The following WWOX variants were observed in gnomAD, a reference collection of about 807,000 sequenced individuals.
The protein encoded by WWOX is WW domain-containing oxidoreductase.
In WWOX, 69 loss-of-function variants were observed where a neutral mutation model predicts 46.2. The ratio of observed to expected loss-of-function variants is 1.49; its 90% CI spans 1.23 to 1.82. The LOEUF (loss-of-function observed/expected upper bound fraction) is 1.82. Among genes scored for constraint, WWOX ranks in the 40% most tolerant of loss-of-function variants. The pLI is 0.00. For synonymous variants in WWOX, 359 were observed against 202.6 expected, an observed-to-expected ratio of 1.77 and a Z score of -6.56; for missense variants, 919 against 542.6, an observed-to-expected ratio of 1.69 and a Z score of -6.89.
At chr16:78,273,453 C>T (rs2079519523) in intron 5 of WWOX, among the ~76,000 whole-genome samples, 1 of 152,180 alleles carries the variant, frequency 6.6e-6, no homozygotes, top group Non-Finnish European at 1.5e-5. Flanking sequence ...AACATGTATG[C>T]AGAGAACTCA....
intron 8 of WWOX, chr16:78,552,455 G>C (rs1329418056): frequency 1.3e-5 from 2 of 152,202 alleles, no homozygotes; most frequent in Non-Finnish European, 2.9e-5. Flanking sequence ...CTCCATGCTG[G>C]ATATTTACCG....
chr16:78,692,493 G>T (rs148242607), intron 8 of WWOX, among the ~76,000 whole-genome samples: 1 of 152,152 alleles, frequency 6.6e-6, no homozygotes, highest in African/African-American at 2.4e-5. Flanking sequence ...GCTGACATCT[G>T]TTCATTAAGA....
In WWOX at chr16:78,786,818, T is replaced by A. The variant is rs1373264164; in HGVS notation, c.1056+354066T>A. Among the ~76,000 whole-genome samples, 3 of 152,224 alleles carry A rather than the reference T, an allele frequency of 2.0e-5. No individual in the cohort carries two copies. The East Asian group carries it at 5.8e-4, about 29-fold the overall frequency. ...ATGTTTCTAATACATGCTTTATGGA[T>A]TTTTAAATTGTGGTAAGATTTACAT... On this transcript the variant is annotated intron_variant, in intron 8 of 8. Transcript: ENST00000566780.
intron 8 of WWOX, among the ~76,000 whole-genome samples, chr16:79,120,436 G>T (rs564390756): frequency 6.6e-6 from 1 of 152,122 alleles, no homozygotes. Context: ...AAGTTTAGGC[G>T]CCCCTCCTGC....
intron 8 of WWOX, among the ~76,000 whole-genome samples, chr16:79,025,148 G>C (rs181546467): frequency 9.6e-4 from 136 of 141,260 alleles, no homozygotes; most frequent in Non-Finnish European, 1.6e-3. Flanking sequence ...TGTTTTGCTT[G>C]TTGAGCAAGG....
chr16:78,958,091 C>G (rs2046204415), intron 8 of WWOX, among the ~76,000 whole-genome samples: 1 of 152,172 alleles, frequency 6.6e-6, no homozygotes, highest in Non-Finnish European at 1.5e-5. Flanking sequence ...GAATCTGAGC[C>G]TTCATATTCT....
intron 8 of WWOX, among the ~76,000 whole-genome samples, chr16:79,211,177 G>A (rs2051730980): frequency 6.6e-6 from 1 of 152,168 alleles, no homozygotes; most frequent in South Asian, 2.1e-4. Context: ...CCACAATTAA[G>A]AGTGGTTGGT....
At chr16:79,031,847 ATATAT>A (rs1458642150) in intron 8 of WWOX, among the ~76,000 whole-genome samples, 1 of 138,242 alleles carries the variant, frequency 7.2e-6, no homozygotes, top group Non-Finnish European at 1.6e-5. Flanking sequence ...ATATCTTATT[ATATAT>A]TATATATATA....
intron 8 of WWOX, among the ~76,000 whole-genome samples, chr16:78,906,647 G>C (rs932503989): frequency 6.6e-5 from 10 of 152,190 alleles, no homozygotes; most frequent in Non-Finnish European, 1.3e-4. Context: ...TGATGATAAA[G>C]GTTACTGTTG....
chr16:79,120,889 C>T (rs977795290), intron 8 of WWOX, among the ~76,000 whole-genome samples: 2 of 152,244 alleles, frequency 1.3e-5, no homozygotes, highest in African/African-American at 4.8e-5. Flanking sequence ...CTGCCGCAGC[C>T]TCCTGAGTAG....
At chr16:78,560,518 C>A (rs11639799) in intron 8 of WWOX, among the ~76,000 whole-genome samples, 23,235 of 152,086 alleles carry the variant, frequency 0.15, 2,232 homozygotes, top group African/African-American at 0.28. Flanking sequence ...GCGGTGCATG[C>A]CTGTAATCCC....
At chr16:79,001,167 G>A (rs1402786572) in intron 8 of WWOX, among the ~76,000 whole-genome samples, 1 of 152,192 alleles carries the variant, frequency 6.6e-6, no homozygotes, top group East Asian at 1.9e-4. Context: ...ATTTGCTGCT[G>A]AATGCACTTT....
chr16:78,858,865 G>A (rs528849108), intron 8 of WWOX, among the ~76,000 whole-genome samples: 1 of 150,918 alleles, frequency 6.6e-6, no homozygotes, highest in African/African-American at 2.4e-5. Context: ...CTTTTTTGTA[G>A]TTGGGGTCTC....
At chr16:78,774,540 G>T (rs966515799) in intron 8 of WWOX, among the ~76,000 whole-genome samples, 1 of 150,646 alleles carries the variant, frequency 6.6e-6, no homozygotes, top group Non-Finnish European at 1.5e-5. Context: ...GTGCGCGTGC[G>T]CACACGCATG....
intron 5 of WWOX, among the ~76,000 whole-genome samples, chr16:78,187,742 G>A (rs13337616): frequency 0.28 from 41,945 of 152,116 alleles, 5,903 homozygotes; most frequent in Non-Finnish European, 0.31. Context: ...AAAATAGTGC[G>A]GAATCTTTTC....
At chr16:78,366,475 T>C (rs572495365) in intron 5 of WWOX, among the ~76,000 whole-genome samples, 2 of 152,334 alleles carry the variant, frequency 1.3e-5, no homozygotes, top group South Asian at 2.1e-4. Context: ...CCTGCATTCA[T>C]TGGAACCTGA....
chr16:78,495,332 G>A (rs757487706), intron 8 of WWOX, among the ~76,000 whole-genome samples: 152 of 151,594 alleles, frequency 1.0e-3, no homozygotes, highest in Non-Finnish European at 1.8e-3. Context: ...GTATAGACGG[G>A]GTTTCACCAT....
At chr16:78,552,575 A>G (rs1418727019) in intron 8 of WWOX, 1 of 152,058 alleles carries the variant, frequency 6.6e-6, no homozygotes. Context: ...ATCCGGTGGG[A>G]GGTCAGATTT....
chr16:79,032,676 A>G (rs1235782417), intron 8 of WWOX, among the ~76,000 whole-genome samples: 2 of 150,340 alleles, frequency 1.3e-5, no homozygotes, highest in African/African-American at 4.9e-5. Flanking sequence ...GTATATATAT[A>G]TATATACACA....
Sources: gnomAD v4.1 joint callset for allele counts (sites outside exome capture counted in the v4.1 genomes callset) on GRCh38, gnomAD v4.1.1 for gene constraint, MANE v1.5 for transcripts, NCBI Gene and HGNC (gene_info 2026-07-23, HGNC 2026-07-21) for gene names.